SLC12A6: variants seen among roughly 807,000 people sequenced by gnomAD.
SLC12A6 encodes the protein solute carrier family 12 member 6, also known as K-Cl cotransporter 3.
Under a neutral mutation model 135.3 loss-of-function variants are expected in SLC12A6, and 66 were observed. The ratio of observed to expected loss-of-function variants is 0.49; its 90% confidence interval spans 0.40 to 0.60. The LOEUF is 0.60. Ranked by LOEUF, SLC12A6 falls within the 20% of genes least tolerant of loss-of-function variation. The probability of loss-of-function intolerance (pLI) is 0.00; values close to 1 mark genes in which losing one functional copy is unlikely to be tolerated. For missense variants in SLC12A6, 1,058 were observed against 1,452.3 expected, an observed-to-expected ratio of 0.73 and a Z score of 4.41; for synonymous variants, 513 against 508.8, an observed-to-expected ratio of 1.01 and a Z score of -0.11.
intron 2 of SLC12A6, among the ~76,000 whole-genome samples, chr15:34,300,084 T>A (rs1370117059): frequency 1.3e-5 from 2 of 151,980 alleles, no homozygotes; most frequent in African/African-American, 4.8e-5. Context: ...TATTGTAATA[T>A]ATCAAGGGGG....
intron 3 of SLC12A6, among the ~76,000 whole-genome samples, chr15:34,264,991 T>C (rs1309363943): frequency 6.6e-6 from 1 of 152,092 alleles, no homozygotes; most frequent in East Asian, 1.9e-4. Flanking sequence ...GGTCAGGAGA[T>C]TGAGACCATC....
Position 34,305,687 on chromosome 15 carries a change from C to T in SLC12A6, c.272-30298G>A, listed in dbSNP as rs368087370. Reference sequence around the variant, plus strand: ...AATAATTATTTAGGTGGAAAAATCACATTTTTTGTTCCATAAAGTCTTAAA... The same window carrying T: ...AATAATTATTTAGGTGGAAAAATCATATTTTTTGTTCCATAAAGTCTTAAA... On this transcript the variant is annotated intron_variant, in intron 2 of 25. Transcript: ENST00000354181. 2.6e-5 allele frequency among the ~76,000 whole-genome samples: 4 copies of T among 151,596 alleles called. No individual in the cohort carries two copies. The East Asian group carries it at 7.7e-4, about 29-fold the overall frequency.
chr15:34,262,225 T>C (rs564942305), intron 3 of SLC12A6, among the ~76,000 whole-genome samples: 4 of 152,286 alleles, frequency 2.6e-5, no homozygotes, highest in Admixed American at 2.0e-4. Flanking sequence ...TACCCTTCCC[T>C]AATTGGTTTT....
chr15:34,271,584 T>A (rs908301913), intron 3 of SLC12A6, among the ~76,000 whole-genome samples: 3 of 136,584 alleles, frequency 2.2e-5, no homozygotes, highest in East Asian at 2.3e-4. Context: ...TTTCTAAAAA[T>A]TTTTTTAAGT....
In SLC12A6 at chr15:34,235,996, T is replaced by C. The variant is rs151271553; in HGVS notation, c.3227+19A>G. The stretch of plus-strand genomic sequence containing the variant: ...TGATTAGGTAATTTTATGATAAACT[T>C]GGGAGTGGGAAAACTTACGGACGCA... On this transcript the variant is annotated intron_variant, in intron 24 of 25. Transcript: ENST00000354181. The C allele has an allele frequency of 1.9e-6, 3 of 1,598,690 alleles. No individual in the cohort carries two copies. The highest frequency in any genetic ancestry group is 2.2e-5 in the South Asian group (2 of 90,748).
At chr15:34,238,849 A>G in intron 20 of SLC12A6, 116 bp downstream of exon 20, 4 of 940,104 alleles carry the variant, frequency 4.3e-6, no homozygotes, top group Admixed American at 3.4e-5. Context: ...AGGTTGCCTT[A>G]TAAGACTATG....
chr15:34,243,138 T>C (rs1330270343), intron 16 of SLC12A6, among the ~76,000 whole-genome samples: 1 of 152,080 alleles, frequency 6.6e-6, no homozygotes, highest in Non-Finnish European at 1.5e-5. Context: ...GTGATCCGCC[T>C]GCCTTGGCCT....
At chr15:34,282,451 A>C (rs917569198) in intron 2 of SLC12A6, among the ~76,000 whole-genome samples, 8 of 152,236 alleles carry the variant, frequency 5.3e-5, no homozygotes, top group Non-Finnish European at 1.0e-4. Flanking sequence ...CAATATACTA[A>C]GGTTAAAAGA....
At chr15:34,289,218 C>T (rs1223896148) in intron 2 of SLC12A6, among the ~76,000 whole-genome samples, 2 of 152,070 alleles carry the variant, frequency 1.3e-5, no homozygotes, top group African/African-American at 4.8e-5. Flanking sequence ...TTGTTGAAGG[C>T]CTTTTCTGCA....
At chr15:34,269,982 A>ATTGTGCCTGGCTCATTTTTTAAATTATC (rs1566827925) in intron 3 of SLC12A6, among the ~76,000 whole-genome samples, 1 of 148,922 alleles carries the variant, frequency 6.7e-6, no homozygotes, top group African/African-American at 2.6e-5. Flanking sequence ...TATTAGCTAG[A>ATTGTGCCTGGCTCATTTTTTAAATTATC]ATACCTCTAT....
In SLC12A6 at chr15:34,330,644, T is replaced by C. The variant is rs368058065; in HGVS notation, c.271+5766A>G. On this transcript the variant is annotated intron_variant, in intron 2 of 25. Coordinates refer to ENST00000354181, the MANE Select transcript of SLC12A6 (RefSeq NM_001365088.1). ...GATCACACCACTGTATCCAGCCTGG[T>C]TGACAGAATGAGACCCTGTCTCAAA... Among the ~76,000 whole-genome samples the C allele has an allele frequency of 2.6e-5, 4 of 151,752 alleles. No homozygotes were observed. The East Asian group carries it at 7.8e-4, about 29-fold the overall frequency.
chr15:34,322,032 A>C (rs1485665037), intron 2 of SLC12A6, among the ~76,000 whole-genome samples: 1 of 152,192 alleles, frequency 6.6e-6, no homozygotes, highest in East Asian at 1.9e-4. Flanking sequence ...CTACATCTTG[A>C]TGGGGTTTAG....
At chr15:34,305,630 TAA>T (rs1896555447) in intron 2 of SLC12A6, among the ~76,000 whole-genome samples, 1 of 152,112 alleles carries the variant, frequency 6.6e-6, no homozygotes, top group African/African-American at 2.4e-5. Flanking sequence ...TTAAAAAAAA[TAA>T]GTGTGTGAGG....
rs1212220469 is a variant in SLC12A6, at chr15:34,337,717, G to A, written c.-458C>T. 2.0e-5 allele frequency: 3 copies of A among 152,408 alleles called. No individual in the cohort carries two copies. The highest frequency in any genetic ancestry group is 2.1e-4 in the South Asian group (1 of 4,836). The allele number at this position is 152,408 out of a possible 1,614,324, so 9.4% of individuals were successfully genotyped here. A position where few individuals can be genotyped will look rare whatever the true frequency, so the allele number is the denominator to read the frequency against. ...CAGGGTGAGGGAGAAGGAGGTCGCA[G>A]GTGCAGTATCCCGGCGCCAGCTGAT... On this transcript the variant is annotated 5_prime_UTR_variant, in exon 1 of 26. Coordinates refer to ENST00000354181, the MANE Select transcript of SLC12A6 (RefSeq NM_001365088.1).
rs1412427515 is a variant in SLC12A6 at position 34,230,055 on chromosome 15, AAACAT to A, written c.*3821_*3825del. On this transcript the variant is annotated 3_prime_UTR_variant, in exon 26 of 26. Transcript: ENST00000354181. ...AGTACAGAGCAAAACAACAACAAAA[AAACAT>A]AACTATGTAAACAAGAGAATAACTG... 3 of 445,914 alleles carry A rather than the reference AAACAT, an allele frequency of 6.7e-6. No individual in the cohort carries two copies. The highest frequency in any genetic ancestry group is 6.1e-5 in the African/African-American group (3 of 49,180). The allele number at this position is 445,914 out of a possible 1,614,324, so 27.6% of individuals were successfully genotyped here.
chr15:34,304,965 A>C (rs1357492435), intron 2 of SLC12A6, among the ~76,000 whole-genome samples: 1 of 152,154 alleles, frequency 6.6e-6, no homozygotes, highest in African/African-American at 2.4e-5. Context: ...ATATCCTTGA[A>C]ATTTTTGTAT....
chr15:34,292,497 C>T (rs947234151), intron 2 of SLC12A6, among the ~76,000 whole-genome samples: 30 of 152,312 alleles, frequency 2.0e-4, no homozygotes, highest in African/African-American at 4.6e-4. Context: ...TCAAACATCA[C>T]GCTGGGAGAA....
chr15:34,310,970 AAT>A (rs1888213199), intron 2 of SLC12A6, among the ~76,000 whole-genome samples: 2 of 152,256 alleles, frequency 1.3e-5, no homozygotes, highest in South Asian at 4.1e-4. Flanking sequence ...TTATTTAGTT[AAT>A]AGTCTAACAT....
At chr15:34,266,707 C>T (rs1478256031) in intron 3 of SLC12A6, among the ~76,000 whole-genome samples, 1 of 152,208 alleles carries the variant, frequency 6.6e-6, no homozygotes, top group Non-Finnish European at 1.5e-5. Context: ...GCTGGGATTA[C>T]AGGTGTGAGC....
Sources: gnomAD v4.1 joint callset for allele counts (sites outside exome capture counted in the v4.1 genomes callset) on GRCh38, gnomAD v4.1.1 for gene constraint, MANE v1.5 for transcripts, NCBI Gene and HGNC (gene_info 2026-07-23, HGNC 2026-07-21) for gene names.